Variants in DAAM1 observed in about 807,000 individuals in gnomAD.
DAAM1 encodes disheveled-associated activator of morphogenesis 1.
In DAAM1, 52 loss-of-function variants were observed where a neutral mutation model predicts 130.0. The observed-to-expected ratio is 0.40, with a 90% CI of 0.32 to 0.50. The LOEUF (loss-of-function observed/expected upper bound fraction) is 0.50, where lower values mean the gene tolerates loss of function less well. Among genes scored for constraint, DAAM1 ranks in the 20% least tolerant of loss-of-function variants. The pLI is 0.61. For synonymous variants in DAAM1, 452 were observed against 444.5 expected (o/e 1.02, Z -0.21); for missense variants, 1,134 against 1,303.8 (o/e 0.87, Z 2.01).
At chr14:59,189,547 G>T (rs1887663720) in intron 1 of DAAM1, among the ~76,000 whole-genome samples, 1 of 152,144 alleles carries the variant, frequency 6.6e-6, no homozygotes, top group South Asian at 2.1e-4. Flanking sequence ...GAGCACCTGG[G>T]CTGGGGCGAA....
At chr14:59,303,480 G>A (rs547421469) in intron 3 of DAAM1, among the ~76,000 whole-genome samples, 27 of 152,272 alleles carry the variant, frequency 1.8e-4, no homozygotes, top group Admixed American at 8.5e-4. Context: ...CCTGGTTAGC[G>A]ATGGAGTACT....
At chr14:59,223,767 T>G (rs1888851296) in intron 1 of DAAM1, among the ~76,000 whole-genome samples, 1 of 152,200 alleles carries the variant, frequency 6.6e-6, no homozygotes, top group Admixed American at 6.5e-5. Context: ...GGGCCAAATA[T>G]AACAACTTGT....
In DAAM1 at chr14:59,370,090, A is replaced by G. The variant is rs1057239416; in HGVS notation, c.*1231A>G. 6.6e-6 allele frequency: 1 copy of G among 150,988 alleles called. No individual in the cohort carries two copies. Among genetic ancestry groups the G allele is most frequent in the African/African-American group, 2.4e-5 (1 of 41,212 alleles). The allele number at this position is 150,988 out of a possible 1,614,324, so 9.4% of individuals were successfully genotyped here. A position where few individuals can be genotyped will look rare whatever the true frequency, so the allele number is the denominator to read the frequency against. ...TATAGATGCTTACCATTAACCTACC[A>G]ACTCTTAATATCCTTAAATTATGTG... On this transcript the variant is annotated 3_prime_UTR_variant, in exon 25 of 25. Transcript: ENST00000360909.
chr14:59,367,149 A>G (rs1182453995), intron 23 of DAAM1, among the ~76,000 whole-genome samples: 2 of 151,990 alleles, frequency 1.3e-5, no homozygotes, highest in Non-Finnish European at 2.9e-5. Context: ...TTAGCCAGGC[A>G]TGGTGGTTTG....
chr14:59,287,736 T>C (rs1361844200), intron 2 of DAAM1, among the ~76,000 whole-genome samples: 1 of 152,080 alleles, frequency 6.6e-6, no homozygotes, highest in Non-Finnish European at 1.5e-5. Context: ...GAAAGATCTC[T>C]ACAATGAGAA....
intron 1 of DAAM1, among the ~76,000 whole-genome samples, chr14:59,255,933 A>G (rs916645972): frequency 6.6e-6 from 1 of 152,132 alleles, no homozygotes; most frequent in African/African-American, 2.4e-5. Flanking sequence ...ACTTCTAACC[A>G]AGTTGGTGGC....
chr14:59,249,042 C>T (rs1881520357), intron 1 of DAAM1, among the ~76,000 whole-genome samples: 1 of 152,172 alleles, frequency 6.6e-6, no homozygotes, highest in African/African-American at 2.4e-5. Flanking sequence ...CTGCCTCGGC[C>T]TCCGAAAGTG....
intron 2 of DAAM1, among the ~76,000 whole-genome samples, chr14:59,275,799 T>C (rs1882939447): frequency 6.6e-6 from 1 of 152,232 alleles, no homozygotes; most frequent in African/African-American, 2.4e-5. Context: ...CAGCCTTTGC[T>C]TGTGGTGTTT....
At chr14:59,201,314 A>G (rs1416181509) in intron 1 of DAAM1, among the ~76,000 whole-genome samples, 1 of 152,140 alleles carries the variant, frequency 6.6e-6, no homozygotes, top group African/African-American at 2.4e-5. Flanking sequence ...TTAAGTGCAC[A>G]GCTTTGTTTT....
In DAAM1 at chr14:59,258,725, G is replaced by A. The variant is rs1442264872; in HGVS notation, c.-37-4716G>A. Among the ~76,000 whole-genome samples, 4 of 152,254 alleles carry A rather than the reference G, an allele frequency of 2.6e-5. No individual in the cohort carries two copies. The East Asian group carries it at 5.8e-4, about 22-fold the overall frequency. The stretch of plus-strand genomic sequence containing the variant: ...CTCCATATATGGGGAAAAAATGGAT[G>A]CCTGTTGGAAATCTCCAACACATGC... On this transcript the variant is annotated intron_variant, in intron 1 of 24. Coordinates refer to ENST00000360909, the MANE Select transcript of DAAM1 (RefSeq NM_001270520.2).
intron 2 of DAAM1, among the ~76,000 whole-genome samples, chr14:59,280,968 G>A (rs1013418619): frequency 6.6e-6 from 1 of 151,992 alleles, no homozygotes; most frequent in African/African-American, 2.4e-5. Flanking sequence ...TCTGTTCCCT[G>A]TTTCCTATTA....
At chr14:59,272,674 A>AGAGG (rs1317400199) in intron 2 of DAAM1, among the ~76,000 whole-genome samples, 1 of 115,796 alleles carries the variant, frequency 8.6e-6, no homozygotes, top group Admixed American at 9.2e-5. Context: ...TATGTAGGAG[A>AGAGG]GAGGGAGGGA....
intron 1 of DAAM1, among the ~76,000 whole-genome samples, chr14:59,203,341 G>C (rs1888170516): frequency 1.3e-5 from 2 of 151,924 alleles, no homozygotes; most frequent in Admixed American, 6.6e-5. Context: ...AGTGGTAATA[G>C]TGACATATTT....
intron 2 of DAAM1, among the ~76,000 whole-genome samples, chr14:59,268,768 T>A (rs1464916454): frequency 6.6e-6 from 1 of 152,202 alleles, no homozygotes; most frequent in Non-Finnish European, 1.5e-5. Flanking sequence ...CCCTCTCACC[T>A]CTACCTCCTC....
chr14:59,320,350 T>G, intron 4 of DAAM1, 140 bp from the exon 5 acceptor site: 1 of 689,056 alleles, frequency 1.5e-6, no homozygotes, highest in Non-Finnish European at 2.3e-6. Context: ...TATTTAAAAT[T>G]TGAAAGACTT....
At chr14:59,365,521 A>AT (rs1451074186) in intron 23 of DAAM1, among the ~76,000 whole-genome samples, 6 of 152,332 alleles carry the variant, frequency 3.9e-5, no homozygotes, top group Admixed American at 3.3e-4. Context: ...GTGAAGACAG[A>AT]AATGGTAAAA....
At chr14:59,191,597 T>A in intron 1 of DAAM1, among the ~76,000 whole-genome samples, 1 of 152,188 alleles carries the variant, frequency 6.6e-6, no homozygotes, top group Non-Finnish European at 1.5e-5. Context: ...AAAGGCCTTC[T>A]ATGTATTTGA....
intron 6 of DAAM1, among the ~76,000 whole-genome samples, 157 bp from the exon 7 acceptor site, chr14:59,323,971 G>T (rs572405570): frequency 1.4e-4 from 22 of 152,046 alleles, no homozygotes; most frequent in African/African-American, 5.3e-4. Flanking sequence ...GGTGGAGGTT[G>T]CCGTGAGCTG....
intron 3 of DAAM1, among the ~76,000 whole-genome samples, chr14:59,308,249 G>T (rs749419938): frequency 1.3e-5 from 2 of 152,146 alleles, no homozygotes; most frequent in Admixed American, 1.3e-4. Context: ...GGACATGAGG[G>T]TATGATGAAC....
Sources: allele counts gnomAD v4.1 joint callset (sites outside exome capture counted in the v4.1 genomes callset), GRCh38; gene constraint gnomAD v4.1.1; transcripts MANE v1.5; gene names NCBI Gene and HGNC (gene_info 2026-07-23, HGNC 2026-07-21).